Variants in PACS2 observed in about 807,000 individuals in gnomAD.
The protein encoded by PACS2 is phosphofurin acidic cluster sorting protein 2, also known as PACS1-like protein.
Under a neutral mutation model 113.0 loss-of-function variants are expected in PACS2, and 36 were observed. The observed-to-expected ratio is 0.32, with a 90% CI of 0.24 to 0.42. The LOEUF is 0.42. Among genes scored for constraint, PACS2 ranks in the 10% least tolerant of loss-of-function variants. The pLI, the probability that PACS2 is intolerant of heterozygous loss-of-function variation, is 1.00. For missense variants in PACS2, 1,015 were observed against 1,239.5 expected (o/e 0.82, Z 2.72); for synonymous variants, 589 against 536.1 (o/e 1.10, Z -1.36).
chr14:105,328,299 C>T (rs932881456), intron 1 of PACS2, among the ~76,000 whole-genome samples: 2 of 152,224 alleles, frequency 1.3e-5, no homozygotes, highest in African/African-American at 4.8e-5. Context: ...GTCCTCACCT[C>T]TCCTCCTGGA....
At position 105,308,107 on chromosome 14, in the gene PACS2, C is replaced by G. The variant is rs2058243194; in HGVS notation, c.-83+7128C>G. Among the ~76,000 whole-genome samples the G allele has an allele frequency of 1.3e-5, 2 of 152,088 alleles. 1 individual carries two copies. Among genetic ancestry groups the G allele is most frequent in the African/African-American group, 4.8e-5 (2 of 41,416 alleles). ...CTGAGGCAGGAGAATCGCTTGAACC[C>G]AGGTGACTGAGGCTGCAGTGAGTTA... On this transcript the variant is annotated intron_variant, in intron 1 of 23. Transcript: ENST00000430725.
chr14:105,335,942 G>A (rs772058341), intron 1 of PACS2, among the ~76,000 whole-genome samples: 4 of 152,224 alleles, frequency 2.6e-5, no homozygotes, highest in African/African-American at 7.2e-5. Flanking sequence ...GCCCAGCTAC[G>A]AGGATGGCTG....
chr14:105,361,769 G>C (rs1377766809), intron 4 of PACS2, among the ~76,000 whole-genome samples: 5 of 152,150 alleles, frequency 3.3e-5, no homozygotes, highest in African/African-American at 1.2e-4. Context: ...GACCAACATG[G>C]AGAAACCCCG....
chr14:105,378,166 A>G (rs2141217700), intron 9 of PACS2, among the ~76,000 whole-genome samples: 2 of 152,276 alleles, frequency 1.3e-5, no homozygotes, highest in Middle Eastern at 6.8e-3. Flanking sequence ...TCTGTCTTTA[A>G]CGGCTCACGT....
At chr14:105,383,876 C>T (rs2081080597) in intron 16 of PACS2, 3 of 301,728 alleles carry the variant, frequency 9.9e-6, no homozygotes, top group Non-Finnish European at 1.9e-5. Flanking sequence ...GTCAGAAGTG[C>T]AAAGCAGGGC....
At chr14:105,333,404 C>T (rs587722688) in intron 1 of PACS2, among the ~76,000 whole-genome samples, 23 of 152,352 alleles carry the variant, frequency 1.5e-4, no homozygotes, top group Non-Finnish European at 2.6e-4. Context: ...CAGCACAGGC[C>T]GGCCAGTCCT....
chr14:105,329,152 T>C lies in PACS2; in HGVS notation c.119+14115T>C, dbSNP rs369378958. Among the ~76,000 whole-genome samples, 3 of 152,260 alleles carry C rather than the reference T, an allele frequency of 2.0e-5. No homozygotes were observed. The East Asian group carries it at 5.8e-4, about 29-fold the overall frequency. ...TGGTGCTGGCTACATCCTCTGGGGC[T>C]CTTCCTCATCTGTCTGCAGAGGAGG... is the stretch of plus-strand genomic sequence containing the variant. On this transcript the variant is annotated intron_variant, in intron 1 of 24. Coordinates refer to ENST00000447393, the MANE Select transcript of PACS2 (RefSeq NM_001100913.3). This position sits in a 1 kb window ranked among gnomAD's most constrained non-coding sequence, Gnocchi z 6.4.
intron 12 of PACS2, among the ~76,000 whole-genome samples, chr14:105,381,552 C>T (rs1353264362): frequency 2.0e-5 from 3 of 152,268 alleles, no homozygotes; most frequent in Non-Finnish European, 4.4e-5. Flanking sequence ...GTCGCCCTGG[C>T]AGCCTCAGTG....
At chr14:105,364,588 A>T (rs1436546039) in intron 4 of PACS2, among the ~76,000 whole-genome samples, 1 of 150,574 alleles carries the variant, frequency 6.6e-6, no homozygotes, top group Admixed American at 6.6e-5. Flanking sequence ...CTCACCATGC[A>T]TGTCTCAGAA....
chr14:105,381,366 T>A (rs1595150874), intron 12 of PACS2, among the ~76,000 whole-genome samples: 1 of 152,048 alleles, frequency 6.6e-6, no homozygotes, highest in Admixed American at 6.5e-5. Flanking sequence ...TGCCCCCACA[T>A]CCCCCTGAGT....
chr14:105,306,685 A>G (rs2058198238), intron 1 of PACS2, among the ~76,000 whole-genome samples: 1 of 151,380 alleles, frequency 6.6e-6, no homozygotes, highest in Non-Finnish European at 1.5e-5. Flanking sequence ...GATGTACCGC[A>G]ATCTCTACCT....
chr14:105,364,369 TGGGCGTCCCGGGTGCGC>T lies in PACS2; in HGVS notation c.424-2841_424-2825del, dbSNP rs1555407412. On this transcript the variant is annotated intron_variant, in intron 4 of 24. Coordinates refer to ENST00000447393, the MANE Select transcript of PACS2 (RefSeq NM_001100913.3). Reference sequence around the variant, plus strand: ...GGTGGGCGGTGTCCCGGGTGCACGGTGGGCGTCCCGGGTGCGCGGTGGGCGGTGTCCCGGGTGCGCGG... The same window carrying T: ...GGTGGGCGGTGTCCCGGGTGCACGGTGGTGGGCGGTGTCCCGGGTGCGCGG... Among the ~76,000 whole-genome samples the T allele has an allele frequency of 3.0e-5, 4 of 131,758 alleles. No homozygotes were observed. The South Asian group carries it at 9.8e-4, about 32-fold the overall frequency. 86.4% of individuals were successfully genotyped at this position (131,758 alleles called of 152,430 possible). A position where few individuals can be genotyped will look rare whatever the true frequency, so the allele number is the denominator to read the frequency against.
At chr14:105,385,922 C>G (rs952676390) in intron 19 of PACS2, among the ~76,000 whole-genome samples, 4 of 152,218 alleles carry the variant, frequency 2.6e-5, no homozygotes. Flanking sequence ...GACGTGGACC[C>G]TTTTCCTCCA....
chr14:105,318,107 T>G (rs1203999500), intron 1 of PACS2, among the ~76,000 whole-genome samples: 1 of 152,216 alleles, frequency 6.6e-6, no homozygotes, highest in Admixed American at 6.5e-5. Context: ...CACTTGATTG[T>G]TTTTTCGGTT....
chr14:105,334,945 A>G (rs1431676357), intron 1 of PACS2, among the ~76,000 whole-genome samples: 1 of 152,236 alleles, frequency 6.6e-6, no homozygotes, highest in Non-Finnish European at 1.5e-5. Context: ...GTTCCCCTCC[A>G]GCTGTTGGTG....
chr14:105,330,635 TCTCCACGGAG>T lies in PACS2; in HGVS notation c.119+15600_119+15609del, dbSNP rs1253325845. ...ACACCAGCATGACCCCTCGCCCCTGTCTCCACGGAGCACCGTGGGACTCTGGCATCAGAAT... is the reference window on the plus strand; with the variant it reads ...ACACCAGCATGACCCCTCGCCCCTGTCACCGTGGGACTCTGGCATCAGAAT... On this transcript the variant is annotated intron_variant, in intron 1 of 24. Transcript: ENST00000447393. This position sits in a 1 kb window ranked among gnomAD's most constrained non-coding sequence, Gnocchi z 6.9. Among the ~76,000 whole-genome samples, 1 of 152,136 alleles carries T rather than the reference TCTCCACGGAG, an allele frequency of 6.6e-6. No individual in the cohort carries two copies. The highest frequency in any genetic ancestry group is 1.5e-5 in the Non-Finnish European group (1 of 68,014).
intron 1 of PACS2, among the ~76,000 whole-genome samples, chr14:105,328,228 G>A (rs977449116): frequency 2.0e-5 from 3 of 152,206 alleles, no homozygotes; most frequent in Non-Finnish European, 4.4e-5. Flanking sequence ...CACACCCCCT[G>A]CCCCAACCCC....
At chr14:105,387,124 GA>G (rs1474872980) in intron 19 of PACS2, among the ~76,000 whole-genome samples, 2 of 152,170 alleles carry the variant, frequency 1.3e-5, no homozygotes, top group African/African-American at 4.8e-5. Flanking sequence ...TGGGGTCCTG[GA>G]AGGAACCCAG....
chr14:105,336,532 C>T (rs1025950910), intron 1 of PACS2: 4 of 152,342 alleles, frequency 2.6e-5, no homozygotes, highest in Non-Finnish European at 4.4e-5. Context: ...GACCAGAGTC[C>T]GTGCAGGAGC....
Sources: gnomAD v4.1 joint callset for allele counts (sites outside exome capture counted in the v4.1 genomes callset) on GRCh38, gnomAD v4.1.1 for gene constraint, Gnocchi (gnomAD v3.1) non-coding constraint, MANE v1.5 for transcripts, NCBI Gene and HGNC (gene_info 2026-07-23, HGNC 2026-07-21) for gene names.